Variants in GRXCR1 observed in about 807,000 individuals in gnomAD.
GRXCR1 encodes the protein glutaredoxin domain-containing cysteine-rich protein 1.
GRXCR1 carries 27 observed loss-of-function variants against 27.3 expected under a neutral mutation model. The ratio of observed to expected loss-of-function variants is 0.99; its 90% CI spans 0.73 to 1.37. The LOEUF is 1.37. Ranked by LOEUF, GRXCR1 falls within the 40% of genes most tolerant of loss-of-function variation. The pLI is 0.00. For missense variants in GRXCR1, 379 were observed against 354.4 expected, an observed-to-expected ratio of 1.07 and a Z score of -0.56; for synonymous variants, 122 against 131.1, an observed-to-expected ratio of 0.93 and a Z score of 0.47.
intron 1 of GRXCR1, among the ~76,000 whole-genome samples, chr4:42,921,856 C>G (rs1202234236): frequency 6.6e-6 from 1 of 152,126 alleles, no homozygotes; most frequent in Non-Finnish European, 1.5e-5. Flanking sequence ...TGCCCTACTC[C>G]TGGAACATGC....
At chr4:43,012,866 T>C (rs1291675510) in intron 2 of GRXCR1, among the ~76,000 whole-genome samples, 1 of 152,024 alleles carries the variant, frequency 6.6e-6, no homozygotes. Flanking sequence ...AATCAAATAA[T>C]CCCGTTAAAA....
chr4:42,916,591 A>G (rs1330512606), intron 1 of GRXCR1, among the ~76,000 whole-genome samples: 2 of 152,100 alleles, frequency 1.3e-5, no homozygotes, highest in Non-Finnish European at 2.9e-5. Context: ...TGTCTGGAAT[A>G]TTATATGAAT....
chr4:42,949,903 C>T (rs1392607773), intron 1 of GRXCR1, among the ~76,000 whole-genome samples: 1 of 152,118 alleles, frequency 6.6e-6, no homozygotes, highest in Non-Finnish European at 1.5e-5. Flanking sequence ...TCTGGGAATT[C>T]TACAGGGACT....
chr4:43,000,207 C>T (rs981263344), intron 2 of GRXCR1, among the ~76,000 whole-genome samples: 1 of 152,104 alleles, frequency 6.6e-6, no homozygotes, highest in Admixed American at 6.6e-5. Flanking sequence ...GGGGTGGGCA[C>T]TGTGGCTCAC....
chr4:42,970,375 G>T (rs972164278), intron 2 of GRXCR1, among the ~76,000 whole-genome samples: 2 of 152,222 alleles, frequency 1.3e-5, no homozygotes, highest in South Asian at 4.2e-4. Context: ...TTCTAGTAAA[G>T]GTTCTCCATG....
chr4:43,014,112 C>T (rs1324726296), intron 2 of GRXCR1, among the ~76,000 whole-genome samples: 1 of 151,178 alleles, frequency 6.6e-6, no homozygotes, highest in Non-Finnish European at 1.5e-5. Flanking sequence ...TTCTTCCTGC[C>T]AGGGATACAG....
intron 1 of GRXCR1, among the ~76,000 whole-genome samples, chr4:42,901,020 T>C (rs979709910): frequency 6.6e-6 from 1 of 152,200 alleles, no homozygotes; most frequent in Non-Finnish European, 1.5e-5. Flanking sequence ...GCAGAAGGGA[T>C]GCCCTCCAGT....
chr4:43,015,976 A>G (rs1489170838), intron 2 of GRXCR1, among the ~76,000 whole-genome samples: 2 of 152,134 alleles, frequency 1.3e-5, no homozygotes. Context: ...GATAGCTAAA[A>G]TCTGTGTGGC....
intron 2 of GRXCR1, among the ~76,000 whole-genome samples, chr4:42,983,355 C>A (rs1486869466): frequency 1.4e-5 from 2 of 147,574 alleles, no homozygotes; most frequent in African/African-American, 2.5e-5. Flanking sequence ...TGTCAAAGAT[C>A]AGATAGTTGT....
At chr4:42,897,584 A>T (rs1400842567) in intron 1 of GRXCR1, among the ~76,000 whole-genome samples, 1 of 152,118 alleles carries the variant, frequency 6.6e-6, no homozygotes, top group Non-Finnish European at 1.5e-5. Flanking sequence ...AGACAAATGA[A>T]ATAAAAGTAG....
chr4:42,930,061 A>T (rs1206789809), intron 1 of GRXCR1, among the ~76,000 whole-genome samples: 1 of 151,940 alleles, frequency 6.6e-6, no homozygotes, highest in Non-Finnish European at 1.5e-5. Flanking sequence ...CTCTCTGTCC[A>T]TTCTTGATCT....
chr4:43,027,070 G>A (rs1046624365), intron 3 of GRXCR1, among the ~76,000 whole-genome samples: 2 of 152,210 alleles, frequency 1.3e-5, no homozygotes, highest in Non-Finnish European at 2.9e-5. Context: ...TGTAGAAAAT[G>A]GTTGTGTCAT....
At chr4:42,904,006 T>C (rs758731089) in intron 1 of GRXCR1, among the ~76,000 whole-genome samples, 2 of 152,134 alleles carry the variant, frequency 1.3e-5, no homozygotes, top group Non-Finnish European at 2.9e-5. Flanking sequence ...CGCCTTGATG[T>C]TTCTAAAGCA....
intron 2 of GRXCR1, among the ~76,000 whole-genome samples, chr4:42,966,945 T>G (rs1207567323): frequency 6.6e-6 from 1 of 152,112 alleles, no homozygotes; most frequent in Non-Finnish European, 1.5e-5. Context: ...GGATGACAGC[T>G]CCTTACTAGA....
intron 1 of GRXCR1, among the ~76,000 whole-genome samples, chr4:42,954,451 A>C (rs773852439): frequency 6.6e-6 from 1 of 152,128 alleles, no homozygotes; most frequent in Non-Finnish European, 1.5e-5. Context: ...CTTAGGAGGC[A>C]GACTTAGGTT....
At chr4:43,012,601 A>G (rs1205745216) in intron 2 of GRXCR1, among the ~76,000 whole-genome samples, 4 of 152,122 alleles carry the variant, frequency 2.6e-5, no homozygotes, top group African/African-American at 9.7e-5. Flanking sequence ...AGTTCATATT[A>G]TGTGTCATGC....
intron 1 of GRXCR1, among the ~76,000 whole-genome samples, chr4:42,954,120 G>C (rs1560663086): frequency 6.6e-6 from 1 of 152,080 alleles, no homozygotes; most frequent in Non-Finnish European, 1.5e-5. Flanking sequence ...CTAAGTCCTT[G>C]CTTCAGTGAG....
intron 2 of GRXCR1, among the ~76,000 whole-genome samples, chr4:43,018,611 T>C (rs2109806300): frequency 6.6e-6 from 1 of 152,218 alleles, no homozygotes; most frequent in East Asian, 1.9e-4. Flanking sequence ...AGGTAGGAGA[T>C]GTGTGATAGC....
rs146775307 is a variant in GRXCR1 at position 42,938,327 on chromosome 4, C to A, written c.385-24565C>A. 8.2e-4 allele frequency among the ~76,000 whole-genome samples: 125 copies of A among 152,084 alleles called. 1 individual carries two copies. The highest frequency in any genetic ancestry group is 2.9e-3 in the African/African-American group (122 of 41,536). On this transcript the variant is annotated intron_variant, in intron 1 of 3. Coordinates refer to ENST00000399770, the MANE Select transcript of GRXCR1 (RefSeq NM_001080476.3). ...GTGCAACATTTTCTTTATCCATTCT[C>A]TGTTGATGAACACAGTAGGTTGCCT...
Sources: allele counts gnomAD v4.1 joint callset (sites outside exome capture counted in the v4.1 genomes callset), GRCh38; gene constraint gnomAD v4.1.1; transcripts MANE v1.5; gene names NCBI Gene and HGNC (gene_info 2026-07-23, HGNC 2026-07-21).